BAZ2B: variants seen among roughly 807,000 people sequenced by gnomAD.
BAZ2B encodes bromodomain adjacent to zinc finger domain 2B.
A neutral mutation model predicts 246.0 loss-of-function variants in BAZ2B; 91 were observed. The observed-to-expected ratio is 0.37, with a 90% CI of 0.31 to 0.44. The LOEUF (loss-of-function observed/expected upper bound fraction) is 0.44, where lower values mean the gene tolerates loss of function less well. Ranked by LOEUF, BAZ2B falls within the 20% of genes least tolerant of loss-of-function variation. The probability of loss-of-function intolerance (pLI) is 1.00; values close to 1 mark genes in which losing one functional copy is unlikely to be tolerated. For missense variants in BAZ2B, 2,332 were observed against 2,533.7 expected, an observed-to-expected ratio of 0.92 and a Z score of 1.71; for synonymous variants, 855 against 860.0, an observed-to-expected ratio of 0.99 and a Z score of 0.10.
intron 2 of BAZ2B, among the ~76,000 whole-genome samples, chr2:159,551,428 C>T (rs2088215971): frequency 7.2e-6 from 1 of 139,132 alleles, no homozygotes; most frequent in African/African-American, 2.7e-5. Flanking sequence ...AAGACTACAC[C>T]ACTGCACTCC....
chr2:159,555,174 C>A (rs557383589), intron 2 of BAZ2B, among the ~76,000 whole-genome samples: 1 of 151,258 alleles, frequency 6.6e-6, no homozygotes, highest in East Asian at 1.9e-4. Context: ...TCACTGCAAC[C>A]TCCACCTCCC....
intron 27 of BAZ2B, among the ~76,000 whole-genome samples, chr2:159,352,063 T>A (rs992523296): frequency 1.3e-5 from 2 of 152,220 alleles, no homozygotes; most frequent in Admixed American, 1.3e-4. Flanking sequence ...ACCAAACTCC[T>A]AACCAAGGCC....
chr2:159,576,359 A>T (rs1049550658), intron 1 of BAZ2B, among the ~76,000 whole-genome samples: 1 of 152,142 alleles, frequency 6.6e-6, no homozygotes, highest in Non-Finnish European at 1.5e-5. Context: ...AATAAAAGAG[A>T]TCAGTCTGGT....
At chr2:159,437,703 G>A (rs2072641490) in intron 8 of BAZ2B, 1 of 152,216 alleles carries the variant, frequency 6.6e-6, no homozygotes, top group Admixed American at 6.6e-5. Context: ...GATCACTTGA[G>A]GTCAGGAATT....
intron 2 of BAZ2B, among the ~76,000 whole-genome samples, chr2:159,506,546 G>C (rs1236572935): frequency 1.3e-5 from 2 of 152,138 alleles, no homozygotes; most frequent in Non-Finnish European, 2.9e-5. Context: ...ATATCTCCTG[G>C]TACTTGGGCA....
chr2:159,498,064 T>A (rs974922189), intron 2 of BAZ2B, among the ~76,000 whole-genome samples: 1 of 152,222 alleles, frequency 6.6e-6, no homozygotes, highest in Non-Finnish European at 1.5e-5. Context: ...ATTTGTTTTA[T>A]GAATACACTG....
intron 1 of BAZ2B, among the ~76,000 whole-genome samples, chr2:159,562,210 T>C (rs1295491942): frequency 1.3e-5 from 2 of 152,052 alleles, no homozygotes; most frequent in African/African-American, 4.8e-5. Context: ...GAAACTTCTC[T>C]AAAAAAAGGT....
intron 6 of BAZ2B, among the ~76,000 whole-genome samples, chr2:159,443,426 G>A (rs776753951): frequency 6.6e-6 from 1 of 152,028 alleles, no homozygotes; most frequent in South Asian, 2.1e-4. Flanking sequence ...ACCTCCCATG[G>A]GAGGTATCAA....
At chr2:159,510,828 C>T (rs559352989) in intron 2 of BAZ2B, among the ~76,000 whole-genome samples, 1 of 152,196 alleles carries the variant, frequency 6.6e-6, no homozygotes, top group Admixed American at 6.5e-5. Flanking sequence ...TTCCAATGAC[C>T]GCTCTCTTAC....
chr2:159,556,876 T>C (rs1011232899), intron 1 of BAZ2B, among the ~76,000 whole-genome samples: 1 of 152,188 alleles, frequency 6.6e-6, no homozygotes, highest in Admixed American at 6.5e-5. Flanking sequence ...TCATGTATTA[T>C]TTTATCAGGT....
chr2:159,353,901 G>A (rs1392976781), intron 27 of BAZ2B, among the ~76,000 whole-genome samples: 1 of 152,044 alleles, frequency 6.6e-6, no homozygotes, highest in Admixed American at 6.6e-5. Flanking sequence ...CTGTGCCTTG[G>A]TTAAACAAAG....
chr2:159,583,849 G>A (rs1578631748), intron 1 of BAZ2B, among the ~76,000 whole-genome samples: 2 of 152,150 alleles, frequency 1.3e-5, no homozygotes, highest in African/African-American at 4.8e-5. Flanking sequence ...CTGAGCAATG[G>A]TTTGAAGGAT....
chr2:159,493,965 C>T (rs1577733660), intron 2 of BAZ2B, among the ~76,000 whole-genome samples: 1 of 152,180 alleles, frequency 6.6e-6, no homozygotes, highest in Non-Finnish European at 1.5e-5. Context: ...TGACACTCTC[C>T]GTACAGGGAG....
intron 2 of BAZ2B, among the ~76,000 whole-genome samples, chr2:159,496,211 T>C (rs1052099899): frequency 2.7e-5 from 4 of 147,160 alleles, no homozygotes; most frequent in Non-Finnish European, 6.0e-5. Context: ...CCATCTCTAC[T>C]AAAAAATACA....
In BAZ2B at chr2:159,324,897, T is replaced by C. The variant is rs1575595461; in HGVS notation, c.6267A>G (p.Val2089=). ...TATAACCAGGAACAAGTTTCAAGTT[T>C]ACAGGAAGTAGAAAAGGCCATGCAT... The part of the protein sequence containing the change: ...HEDAWPFLLP[V]NLKLVPGYKK... The change falls in exon 36 of 37, where the codon GTA becomes GTG. Residue 2089 remains valine, a synonymous_variant. Transcript: ENST00000392783. The C allele has an allele frequency of 1.9e-6, 3 of 1,560,520 alleles. No individual in the cohort carries two copies. The highest frequency in any genetic ancestry group is 2.6e-6 in the Non-Finnish European group (3 of 1,161,090).
Position 159,350,191 on chromosome 2 carries a change from A to G in BAZ2B, c.4380T>C (p.Leu1460=). The G allele has an allele frequency of 1.9e-6, 3 of 1,614,080 alleles. No homozygotes were observed. The highest frequency in any genetic ancestry group is 2.5e-6 in the Non-Finnish European group (3 of 1,179,994). The change falls in exon 28 of 37, where the codon CTT becomes CTC. Residue 1460 remains leucine (L), a synonymous_variant. Coordinates refer to ENST00000392783, the MANE Select transcript of BAZ2B (RefSeq NM_013450.4). ...LKEKDNTNLF[L]QKPGSFSKLS... is the part of the protein sequence containing the mutation. ...ATTTGGAAAAAGAGCCAGGTTTCTGAAGGAATAGATTTGTGTTATCTTTTT... is the reference window on the plus strand; with the variant it reads ...ATTTGGAAAAAGAGCCAGGTTTCTGGAGGAATAGATTTGTGTTATCTTTTT...
chr2:159,588,756 C>T (rs1470739731), intron 1 of BAZ2B, among the ~76,000 whole-genome samples: 1 of 152,164 alleles, frequency 6.6e-6, no homozygotes, highest in Non-Finnish European at 1.5e-5. Context: ...AGCTTTGTGG[C>T]TCTTTTTGAC....
At chr2:159,320,996 C>G (rs2062652236) in intron 36 of BAZ2B, among the ~76,000 whole-genome samples, 1 of 152,224 alleles carries the variant, frequency 6.6e-6, no homozygotes, top group African/African-American at 2.4e-5. Context: ...ACAAGCAAAA[C>G]AAGCATATGC....
intron 34 of BAZ2B, 112 bp from the exon 35 acceptor site, chr2:159,326,030 T>C: frequency 2.2e-6 from 2 of 902,196 alleles, no homozygotes; most frequent in Non-Finnish European, 3.2e-6. Context: ...ATAACTCTGA[T>C]CTAGAATGTT....
Sources: allele counts gnomAD v4.1 joint callset (sites outside exome capture counted in the v4.1 genomes callset), GRCh38; gene constraint gnomAD v4.1.1; transcripts MANE v1.5; gene names NCBI Gene and HGNC (gene_info 2026-07-23, HGNC 2026-07-21).